The following ZNF892 variants were observed in gnomAD, a reference collection of about 807,000 sequenced individuals.
ZNF892 encodes zinc finger protein 892, also known as zinc finger protein 570-like.
the ZNF892 span, among the ~76,000 whole-genome samples, chr2:95,250,501 T>G: frequency 6.7e-6 from 1 of 149,088 alleles, no homozygotes; most frequent in Non-Finnish European, 1.5e-5. Context: ...TAATAAATGT[T>G]TATTATTTGT....
chr2:95,211,773 C>G, the ZNF892 span: 1 of 398,320 alleles, frequency 2.5e-6, no homozygotes, highest in Non-Finnish European at 4.4e-6. Flanking sequence ...GTACCTTGTC[C>G]TCCTCAGTTC....
At chr2:95,213,435 T>G in the ZNF892 span, among the ~76,000 whole-genome samples, 1 of 152,210 alleles carries the variant, frequency 6.6e-6, no homozygotes, top group Non-Finnish European at 1.5e-5. Flanking sequence ...TGGAAGTATT[T>G]AAACATTTTT....
chr2:95,247,806 A>G, the ZNF892 span, among the ~76,000 whole-genome samples: 6 of 152,326 alleles, frequency 3.9e-5, no homozygotes, highest in African/African-American at 1.4e-4. Flanking sequence ...ATCTTACACC[A>G]GTAAGAATGG....
At chr2:95,260,495 C>A in the ZNF892 span, among the ~76,000 whole-genome samples, 3 of 152,174 alleles carry the variant, frequency 2.0e-5, no homozygotes, top group Non-Finnish European at 4.4e-5. Flanking sequence ...GCCCAATCTT[C>A]ATTTGGGGGC....
the ZNF892 span, among the ~76,000 whole-genome samples, chr2:95,229,116 C>T: frequency 6.6e-6 from 1 of 152,126 alleles, no homozygotes. Flanking sequence ...TAAAACTAAG[C>T]TGTGCCCCGA....
chr2:95,252,440 A>C, the ZNF892 span, among the ~76,000 whole-genome samples: 1 of 152,110 alleles, frequency 6.6e-6, no homozygotes, highest in African/African-American at 2.4e-5. Flanking sequence ...GCTGCATAGT[A>C]TTCCACGGTG....
At chr2:95,224,252 A>G in the ZNF892 span, among the ~76,000 whole-genome samples, 1 of 152,208 alleles carries the variant, frequency 6.6e-6, no homozygotes, top group Non-Finnish European at 1.5e-5. Context: ...CCATGAATAC[A>G]CTGTCTATGT....
the ZNF892 span, among the ~76,000 whole-genome samples, chr2:95,253,585 A>G: frequency 6.6e-6 from 1 of 152,166 alleles, no homozygotes; most frequent in Admixed American, 6.5e-5. Flanking sequence ...TTGGTTCCAT[A>G]TGCACTTTAA....
At chr2:95,243,295 C>A in the ZNF892 span, among the ~76,000 whole-genome samples, 1 of 151,952 alleles carries the variant, frequency 6.6e-6, no homozygotes, top group Admixed American at 6.6e-5. Context: ...TGAGGAGCGT[C>A]TCTGCCTGGC....
At chr2:95,214,752 C>T in the ZNF892 span, 1 of 444,162 alleles carries the variant, frequency 2.3e-6, no homozygotes. Flanking sequence ...TGTCTTGCAT[C>T]AGAGAATTCA....
At chr2:95,258,051 G>A in the ZNF892 span, among the ~76,000 whole-genome samples, 7 of 152,216 alleles carry the variant, frequency 4.6e-5, no homozygotes, top group Non-Finnish European at 7.4e-5. Context: ...TTTGGCTCAC[G>A]CTCGGTGTGC....
chr2:95,223,269 A>G, the ZNF892 span, among the ~76,000 whole-genome samples: 1 of 152,198 alleles, frequency 6.6e-6, no homozygotes, highest in African/African-American at 2.4e-5. Context: ...ATATATTTTG[A>G]CACTCAGTTG....
At chr2:95,249,254 T>C in the ZNF892 span, among the ~76,000 whole-genome samples, 5 of 110,010 alleles carry the variant, frequency 4.5e-5, no homozygotes, top group Non-Finnish European at 7.1e-5. Context: ...TTTTTTTTTT[T>C]TTCTGAGACA....
At chr2:95,208,431 C>T in the ZNF892 span, among the ~76,000 whole-genome samples, 1 of 152,146 alleles carries the variant, frequency 6.6e-6, no homozygotes, top group Non-Finnish European at 1.5e-5. Context: ...TTTATATGTC[C>T]AGATGCTCAT....
At chr2:95,237,768 T>A in the ZNF892 span, among the ~76,000 whole-genome samples, 4 of 152,204 alleles carry the variant, frequency 2.6e-5, no homozygotes, top group Non-Finnish European at 5.9e-5. Context: ...GCTACTCTAG[T>A]GAACATTGAA....
the ZNF892 span, among the ~76,000 whole-genome samples, chr2:95,235,711 A>G: frequency 6.6e-6 from 1 of 152,190 alleles, no homozygotes; most frequent in African/African-American, 2.4e-5. Context: ...AAGTTTGTCC[A>G]TATAGGATTT....
At chr2:95,211,731 C>T in the ZNF892 span, 1 of 398,500 alleles carries the variant, frequency 2.5e-6, no homozygotes, top group Non-Finnish European at 4.4e-6. Flanking sequence ...GTAAGGATGG[C>T]TCCCCCAATG....
At chr2:95,242,297 A>G in the ZNF892 span, among the ~76,000 whole-genome samples, 1 of 152,250 alleles carries the variant, frequency 6.6e-6, no homozygotes, top group Non-Finnish European at 1.5e-5. Context: ...CCGACCTCTC[A>G]GCAGAAACCT....
chr2:95,209,031 G>A, the ZNF892 span, among the ~76,000 whole-genome samples: 1 of 152,184 alleles, frequency 6.6e-6, no homozygotes, highest in Admixed American at 6.5e-5. Flanking sequence ...GTTTACTAAG[G>A]CAGTGAGAAA....
Sources: gnomAD v4.1 joint callset for allele counts (sites outside exome capture counted in the v4.1 genomes callset) on GRCh38, gnomAD v4.1.1 for gene constraint, MANE v1.5 for transcripts, NCBI Gene and HGNC (gene_info 2026-07-23, HGNC 2026-07-21) for gene names.